IL21R: variants seen among roughly 807,000 people sequenced by gnomAD.
The protein encoded by IL21R is interleukin-21 receptor.
Under a neutral mutation model 41.3 loss-of-function variants are expected in IL21R, and 14 were observed. The ratio of observed to expected loss-of-function variants is 0.34; its 90% CI spans 0.22 to 0.53. The LOEUF (loss-of-function observed/expected upper bound fraction) is 0.53, where lower values mean the gene tolerates loss of function less well. Ranked by LOEUF, IL21R falls within the 20% of genes least tolerant of loss-of-function variation. The probability of loss-of-function intolerance (pLI) is 0.94; values close to 1 mark genes in which losing one functional copy is unlikely to be tolerated. For synonymous variants in IL21R, 286 were observed against 287.6 expected, an observed-to-expected ratio of 0.99 and a Z score of 0.05; for missense variants, 588 against 681.6, an observed-to-expected ratio of 0.86 and a Z score of 1.53.
In IL21R at chr16:27,446,012, G is replaced by A. The variant is rs771671978; in HGVS notation, c.791G>A (p.Trp264Ter). 1 of 1,612,386 alleles carries A rather than the reference G, an allele frequency of 6.2e-7. No homozygotes were observed. Among genetic ancestry groups the A allele is most frequent in the African/African-American group, 1.3e-5 (1 of 74,856 alleles). The change falls in exon 8 of 9, where the codon TGG becomes TAG. Residue 264 changes from tryptophan to a stop codon, truncating the protein, a stop_gained. Coordinates refer to ENST00000337929, the MANE Select transcript of IL21R (RefSeq NM_181078.3). LOFTEE classifies it high-confidence loss of function. ...SLKTHPLWRL[W>*]KKIWAVPSPE... ...ACCCCTCTCTGCCCCCTCAGGCTATGGAAGAAGATATGGGCCGTCCCCAGC... is the reference window on the plus strand; with the variant it reads ...ACCCCTCTCTGCCCCCTCAGGCTATAGAAGAAGATATGGGCCGTCCCCAGC...
chr16:27,419,964 C>G (rs553875401), intron 1 of IL21R, among the ~76,000 whole-genome samples: 2 of 151,474 alleles, frequency 1.3e-5, no homozygotes, highest in South Asian at 4.2e-4. Context: ...TCTCGGCTCA[C>G]TGCTACCTCT....
In IL21R at chr16:27,445,999, C is replaced by T. The variant is rs375615168; in HGVS notation, c.786-8C>T. On this transcript the variant is annotated splice_region_variant and splice_polypyrimidine_tract_variant and intron_variant, in intron 7 of 8. Coordinates refer to ENST00000337929, the MANE Select transcript of IL21R (RefSeq NM_181078.3). The stretch of plus-strand genomic sequence containing the variant: ...TGTCAGGGTCCTCACCCCTCTCTGC[C>T]CCCTCAGGCTATGGAAGAAGATATG... 2.5e-6 allele frequency: 4 copies of T among 1,608,622 alleles called. No homozygotes were observed. The highest frequency in any genetic ancestry group is 1.7e-5 in the Admixed American group (1 of 59,302).
At position 27,444,693 on chromosome 16, in the gene IL21R, C is replaced by T. The variant is rs780311714; in HGVS notation, c.659C>T (p.Pro220Leu). The change falls in exon 6 of 9, where the codon CCG (proline) becomes CTG (leucine). Residue 220 changes from proline (P) to leucine (L), a missense_variant. Coordinates refer to ENST00000337929, the MANE Select transcript of IL21R (RefSeq NM_181078.3). Reference protein sequence around the residue: ...YQGTWSEWSDPVIFQTQSEEL... With the variant: ...YQGTWSEWSDLVIFQTQSEEL... ...GGGACCTGGAGTGAATGGAGTGACC[C>T]GGTCATCTTTCAGACCCAGTCAGAG... The T allele has an allele frequency of 3.1e-5, 47 of 1,523,066 alleles. No homozygotes were observed. The Middle Eastern group carries it at 5.3e-4, about 17-fold the overall frequency. 94.3% of individuals were successfully genotyped at this position (1,523,066 alleles called of 1,614,324 possible).
chr16:27,429,370 C>T (rs3093298), intron 1 of IL21R, among the ~76,000 whole-genome samples: 8,886 of 152,174 alleles, frequency 0.058, 338 homozygotes, highest in Middle Eastern at 0.092. Flanking sequence ...CTCTTTTTCC[C>T]TCCCTCTTTC....
intron 1 of IL21R, among the ~76,000 whole-genome samples, chr16:27,418,526 G>T (rs150392329): frequency 8.6e-5 from 13 of 151,928 alleles, no homozygotes; most frequent in Non-Finnish European, 4.4e-5. Context: ...GCGCCACCAC[G>T]CTCGGCTAAT....
intron 1 of IL21R, among the ~76,000 whole-genome samples, chr16:27,424,421 T>A (rs1171138568): frequency 4.6e-5 from 7 of 152,294 alleles, no homozygotes; most frequent in Non-Finnish European, 8.8e-5. Flanking sequence ...TCAATCTAAT[T>A]TCCTGCCCCA....
intron 5 of IL21R, chr16:27,444,179 GA>G: frequency 6.0e-6 from 1 of 166,804 alleles, no homozygotes; most frequent in African/African-American, 2.4e-5. Flanking sequence ...CATCGGTTGA[GA>G]ATGTCCTCAA....
chr16:27,404,794 C>T (rs936476438), intron 1 of IL21R, among the ~76,000 whole-genome samples: 1 of 152,170 alleles, frequency 6.6e-6, no homozygotes, highest in African/African-American at 2.4e-5. Flanking sequence ...GCCACCTAAC[C>T]TTTCTGCAGC....
At position 27,446,424 on chromosome 16, in the gene IL21R, G is replaced by A. The variant is rs563229516; in HGVS notation, c.867+336G>A. Among the ~76,000 whole-genome samples the A allele has an allele frequency of 1.8e-4, 28 of 151,840 alleles. No homozygotes were observed. In the East Asian group the frequency reaches 3.7e-3, roughly 20 times the overall value. ...ATAGGGAGACCCTCACCACCACTCC[G>A]CCTCCCCATCTCTACCAAAAACTTA... On this transcript the variant is annotated intron_variant, in intron 8 of 8. Transcript: ENST00000337929.
chr16:27,444,789 C>A, intron 6 of IL21R, 70 bp downstream of exon 6: 4 of 1,383,356 alleles, frequency 2.9e-6, no homozygotes, highest in Non-Finnish European at 2.9e-6. Flanking sequence ...CCACCCTAAG[C>A]CCTGAGCTTT....
intron 8 of IL21R, chr16:27,447,622 C>T: frequency 6.6e-6 from 1 of 152,372 alleles, no homozygotes; most frequent in East Asian, 1.9e-4. Flanking sequence ...TCAAAGTGTA[C>T]AAAGGCCTTT....
intron 6 of IL21R, 77 bp downstream of exon 6, chr16:27,444,796 C>A (rs2087449116): frequency 1.5e-6 from 2 of 1,306,950 alleles, no homozygotes; most frequent in East Asian, 2.6e-5. Flanking sequence ...AAGCCCTGAG[C>A]TTTCTGGCAC....
At chr16:27,425,639 G>A (rs747750800) in intron 1 of IL21R, among the ~76,000 whole-genome samples, 3 of 151,366 alleles carry the variant, frequency 2.0e-5, no homozygotes, top group African/African-American at 4.9e-5. Context: ...TGCAACCTCC[G>A]CCTCTTCCTG....
intron 8 of IL21R, among the ~76,000 whole-genome samples, chr16:27,447,158 C>T (rs1364105013): frequency 6.6e-6 from 1 of 152,180 alleles, no homozygotes; most frequent in Non-Finnish European, 1.5e-5. Context: ...ATAAGACCCA[C>T]CCTTTCCTCT....
chr16:27,443,010 A>G lies in IL21R; in HGVS notation c.401A>G (p.Tyr134Cys). 6.2e-7 allele frequency: 1 copy of G among 1,613,874 alleles called. No individual in the cohort carries two copies. Among genetic ancestry groups the G allele is most frequent in the South Asian group, 1.1e-5 (1 of 91,038 alleles). Residue 134 changes from tyrosine to cysteine, a missense_variant, in exon 5 of 9, where the codon TAT (tyrosine) becomes TGT (cysteine). By Grantham distance (194) the Tyr-to-Cys change is radical. Transcript: ENST00000337929. ...FNVTVTFSGQYNISWRSDYED... is the reference protein window; with the variant it reads ...FNVTVTFSGQCNISWRSDYED... ...GTGACTGTGACCTTCTCAGGACAGT[A>G]TAATATCTCCTGGCGCTCAGATTAC...
chr16:27,405,025 CTTTTT>C, intron 1 of IL21R, among the ~76,000 whole-genome samples: 1 of 145,862 alleles, frequency 6.9e-6, no homozygotes, highest in South Asian at 2.2e-4. Context: ...TCATGTTTTA[CTTTTT>C]TTTTTTTTTA....
chr16:27,417,919 T>A (rs2086914764), intron 1 of IL21R, among the ~76,000 whole-genome samples: 1 of 152,188 alleles, frequency 6.6e-6, no homozygotes, highest in South Asian at 2.1e-4. Flanking sequence ...CTGTAAACTT[T>A]ATCAACACTG....
In IL21R at chr16:27,444,592, C is replaced by T; in HGVS notation, c.558C>T (p.Leu186=). 1.3e-6 allele frequency: 2 copies of T among 1,575,856 alleles called. No individual in the cohort carries two copies. The highest frequency in any genetic ancestry group is 1.4e-5 in the African/African-American group (1 of 72,978). Residue 186 remains leucine, a synonymous_variant, in exon 6 of 9, where the codon CTC becomes CTT. Transcript: ENST00000337929. The part of the protein sequence containing the change: ...ISVDSRSVSL[L]PLEFRKDSSY... The stretch of plus-strand genomic sequence containing the variant: ...TGGACTCAAGAAGTGTCTCCCTCCT[C>T]CCCCTGGAGTTCCGCAAAGACTCGA...
At position 27,430,077 on chromosome 16, in the gene IL21R, G is replaced by A. The variant is rs1337631595; in HGVS notation, c.6G>A (p.Pro2=). Residue 2 remains proline (P), a synonymous_variant, in exon 2 of 9, where the codon CCG becomes CCA. Transcript: ENST00000337929. M[P]RGWAAPLLLL... ...GCAGGCCCGTGGGAGTCAGCATGCC[G>A]CGTGGCTGGGCCGCCCCCTTGCTCC... 7 of 1,606,058 alleles carry A rather than the reference G, an allele frequency of 4.4e-6. No individual in the cohort carries two copies. The highest frequency in any genetic ancestry group is 4.5e-5 in the East Asian group (2 of 44,874).
Sources: allele counts gnomAD v4.1 joint callset (sites outside exome capture counted in the v4.1 genomes callset), GRCh38; gene constraint gnomAD v4.1.1; transcripts MANE v1.5; gene names NCBI Gene and HGNC (gene_info 2026-07-23, HGNC 2026-07-21).